The following SIGLEC5 variants were observed in gnomAD, a reference collection of about 807,000 sequenced individuals.
The protein encoded by SIGLEC5 is sialic acid binding Ig like lectin 5.
In SIGLEC5, 34 loss-of-function variants were observed where a neutral mutation model predicts 45.9. That is an observed-to-expected ratio of 0.74 (90% CI 0.56 to 0.99). SIGLEC5 has a LOEUF of 0.99. Among genes scored for constraint, SIGLEC5 ranks in the 50% least tolerant of loss-of-function variants. The probability of loss-of-function intolerance (pLI) is 0.00; values close to 1 mark genes in which losing one functional copy is unlikely to be tolerated. For synonymous variants in SIGLEC5, 203 were observed against 258.6 expected, an observed-to-expected ratio of 0.79 and a Z score of 2.06; for missense variants, 508 against 629.6, an observed-to-expected ratio of 0.81 and a Z score of 2.07.
At position 51,612,319 on chromosome 19, in the gene SIGLEC5, AG is replaced by A. The variant is rs1982883904; in HGVS notation, c.1567del (p.Ser524ValfsTer5). On this transcript the variant is annotated frameshift_variant, in exon 9 of 9. Transcript: ENST00000683636. LOFTEE classifies it low-confidence loss of function (END_TRUNC). ...CCTCGACTTCATCTCAGAAAAACTA[AG>A]GGAGGCATAATGGAGCTCCTTTTGT... ...EEQKELHYASLSFSEMKSREP... is the reference protein window; with the variant it reads ...EEQKELHYASXSFSEMKSREP... 1 of 1,613,182 alleles carries A rather than the reference AG, an allele frequency of 6.2e-7. No homozygotes were observed. Among genetic ancestry groups the A allele is most frequent in the Non-Finnish European group, 8.5e-7 (1 of 1,179,752 alleles).
In SIGLEC5 at chr19:51,627,191, A is replaced by G. The variant is rs1983512405; in HGVS notation, c.1340T>C (p.Met447Thr). 1.9e-6 allele frequency: 3 copies of G among 1,614,156 alleles called. No individual in the cohort carries two copies. The highest frequency in any genetic ancestry group is 1.1e-5 in the South Asian group (1 of 91,086). ...VPAALGGAGV[M>T]ALLCICLCLI... Reference sequence around the variant, plus strand: ...GCACAGACAGATACAGAGCAGGGCCATGACACCAGCACCACCAAGGGCTGC... The same window carrying G: ...GCACAGACAGATACAGAGCAGGGCCGTGACACCAGCACCACCAAGGGCTGC... The change falls in exon 7 of 9, where the codon ATG becomes ACG. Residue 447 changes from methionine to threonine, a missense_variant. Coordinates refer to ENST00000683636, the MANE Select transcript of SIGLEC5 (RefSeq NM_003830.4).
chr19:51,615,194 G>A (rs116799916), intron 8 of SIGLEC5, among the ~76,000 whole-genome samples: 2 of 152,178 alleles, frequency 1.3e-5, no homozygotes, highest in Non-Finnish European at 2.9e-5. Context: ...CACCGGCTCT[G>A]TTCTCCAAGA....
At position 51,611,755 on chromosome 19, in the gene SIGLEC5, T is replaced by C. The variant is rs1045067873; in HGVS notation, c.*476A>G. ...AGTGCCAGGCTGAGGGGCTGGTCTT[T>C]CCTAGGGAGTCTTCGAAGAGTTTTG... On this transcript the variant is annotated 3_prime_UTR_variant, in exon 9 of 9. Transcript: ENST00000683636. 3.9e-5 allele frequency among the ~76,000 whole-genome samples: 6 copies of C among 152,162 alleles called. No homozygotes were observed. The highest frequency in any genetic ancestry group is 2.0e-4 in the Admixed American group (3 of 15,272).
At chr19:51,622,394 C>T (rs1983324701) in intron 8 of SIGLEC5, among the ~76,000 whole-genome samples, 1 of 151,586 alleles carries the variant, frequency 6.6e-6, no homozygotes, top group Non-Finnish European at 1.5e-5. Flanking sequence ...CCACCTCGGC[C>T]TCCCAAAGTG....
At chr19:51,617,833 A>G (rs1167409862) in intron 8 of SIGLEC5, among the ~76,000 whole-genome samples, 3 of 152,154 alleles carry the variant, frequency 2.0e-5, no homozygotes, top group Non-Finnish European at 2.9e-5. Flanking sequence ...AAAAATGCTA[A>G]GTATGTTCAT....
intron 8 of SIGLEC5, among the ~76,000 whole-genome samples, chr19:51,617,372 A>T (rs1983108501): frequency 6.6e-6 from 1 of 152,154 alleles, no homozygotes; most frequent in African/African-American, 2.4e-5. Flanking sequence ...TGCAAGAAAA[A>T]AGATGCAGGG....
chr19:51,619,719 A>T lies in SIGLEC5; in HGVS notation c.1464+6313T>A, dbSNP rs118069147. Among the ~76,000 whole-genome samples the T allele has an allele frequency of 1.6e-3, 251 of 152,298 alleles. 1 individual carries two copies. The Middle Eastern group carries it at 0.034, about 21-fold the overall frequency. On this transcript the variant is annotated intron_variant, in intron 8 of 8. Coordinates refer to ENST00000683636, the MANE Select transcript of SIGLEC5 (RefSeq NM_003830.4). Reference sequence around the variant, plus strand: ...ATTTATCCCTAACTACGTTTTATAGAGAATGAAAATATAGACACTAAGAAG... The same window carrying T: ...ATTTATCCCTAACTACGTTTTATAGTGAATGAAAATATAGACACTAAGAAG...
chr19:51,628,813 ATGTG>A (rs762129815), intron 4 of SIGLEC5, among the ~76,000 whole-genome samples: 24 of 120,590 alleles, frequency 2.0e-4, no homozygotes, highest in South Asian at 8.2e-4. Context: ...GTGTATATGC[ATGTG>A]TGTGTGTGCG....
rs559592597 is a variant in SIGLEC5 at position 51,629,909 on chromosome 19, G to T, written c.345C>A (p.Ser115Arg). 44 of 1,135,524 alleles carry T rather than the reference G, an allele frequency of 3.9e-5. 3 individuals carry two copies. Among genetic ancestry groups the T allele is most frequent in the Admixed American group, 2.2e-4 (9 of 40,798 alleles). 70.3% of individuals were successfully genotyped at this position (1,135,524 alleles called of 1,614,324 possible). The change falls in exon 2 of 9, where the codon AGC becomes AGA. Residue 115 changes from serine (S) to arginine (R), a missense_variant. Around this residue, in one of 2 missense-constraint regions of SIGLEC5, gnomAD observed 77 missense variants for 200.8 expected, o/e 0.38. Coordinates refer to ENST00000683636, the MANE Select transcript of SIGLEC5 (RefSeq NM_003830.4). ...IGDARMEDTGSYFFRVERGRD... is the reference protein window; with the variant it reads ...IGDARMEDTGRYFFRVERGRD... The stretch of plus-strand genomic sequence containing the variant: ...TTCCTCTCTCCACGCGGAAGAAATA[G>T]CTTCCCGTGTCCTCCATTCTGGCAT...
At position 51,627,876 on chromosome 19, in the gene SIGLEC5, G is replaced by T; in HGVS notation, c.955C>A (p.Pro319Thr). 6.2e-7 allele frequency: 1 copy of T among 1,611,900 alleles called. No individual in the cohort carries two copies. Among genetic ancestry groups the T allele is most frequent in the Non-Finnish European group, 8.5e-7 (1 of 1,179,066 alleles). ...AGAAAAATTTGCAGGAAGCCCAGCG[G>T]GTGCTGAGCGCGGCAGGTGAAGCCT... ...EGGFTCRAQHPLGFLQIFLNL... is the reference protein window; with the variant it reads ...EGGFTCRAQHTLGFLQIFLNL... The change falls in exon 5 of 9, where the codon CCG (proline) becomes ACG (threonine). Residue 319 changes from proline (P) to threonine (T), a missense_variant. Transcript: ENST00000683636.
chr19:51,622,764 G>C (rs1983339238), intron 8 of SIGLEC5, among the ~76,000 whole-genome samples: 2 of 152,200 alleles, frequency 1.3e-5, no homozygotes, highest in African/African-American at 4.8e-5. Flanking sequence ...GTCAACCCCA[G>C]ACAGAGTGAG....
chr19:51,625,622 G>C (rs546037227), intron 8 of SIGLEC5, among the ~76,000 whole-genome samples: 3 of 152,314 alleles, frequency 2.0e-5, no homozygotes, highest in Admixed American at 6.5e-5. Flanking sequence ...CTGAGGTCAG[G>C]AGTTCAAGAA....
intron 8 of SIGLEC5, among the ~76,000 whole-genome samples, chr19:51,622,906 A>G (rs917537098): frequency 3.3e-5 from 5 of 152,182 alleles, no homozygotes; most frequent in Admixed American, 2.6e-4. Flanking sequence ...ACTTAACATA[A>G]TGATCTCCAG....
chr19:51,622,128 G>GTTTTT (rs1260344201), intron 8 of SIGLEC5, among the ~76,000 whole-genome samples: 1 of 151,804 alleles, frequency 6.6e-6, no homozygotes, highest in East Asian at 1.9e-4. Context: ...TTGCTTTTTT[G>GTTTTT]TTTTTTGTTT....
chr19:51,624,029 C>T (rs1422708420), intron 8 of SIGLEC5, among the ~76,000 whole-genome samples: 1 of 152,022 alleles, frequency 6.6e-6, no homozygotes, highest in Non-Finnish European at 1.5e-5. Flanking sequence ...CGTGGTGGTA[C>T]ATGCCTGTAA....
intron 8 of SIGLEC5, chr19:51,621,814 TTTCATTCTGCATTCTG>T (rs1983297605): frequency 6.6e-6 from 1 of 152,186 alleles, no homozygotes. Context: ...TTTTAAATAC[TTTCATTCTGCATTCTG>T]ATAAGGAATC....
intron 6 of SIGLEC5, 83 bp from the exon 7 acceptor site, chr19:51,627,331 G>T: frequency 6.5e-7 from 1 of 1,539,510 alleles, no homozygotes; most frequent in Non-Finnish European, 8.9e-7. Context: ...TTGCTCCAGG[G>T]CCCTGCTCAG....
In SIGLEC5 at chr19:51,611,353, T is replaced by G. The variant is rs1431782256; in HGVS notation, c.*878A>C. On this transcript the variant is annotated 3_prime_UTR_variant, in exon 9 of 9. Transcript: ENST00000683636. Reference sequence around the variant, plus strand: ...AACTCATGTTTGGAGGAAAAGATAGTGTAAGCCAGATGAAAGCAAGGAGGC... The same window carrying G: ...AACTCATGTTTGGAGGAAAAGATAGGGTAAGCCAGATGAAAGCAAGGAGGC... Among the ~76,000 whole-genome samples the G allele has an allele frequency of 6.6e-6, 1 of 152,226 alleles. No homozygotes were observed. Among genetic ancestry groups the G allele is most frequent in the African/African-American group, 2.4e-5 (1 of 41,456 alleles).
chr19:51,628,111 G>C lies in SIGLEC5; in HGVS notation c.740-20C>G. On this transcript the variant is annotated intron_variant, in intron 4 of 8. Coordinates refer to ENST00000683636, the MANE Select transcript of SIGLEC5 (RefSeq NM_003830.4). ...CTAGGGCTTTGGGGAGAGAAGGGTG[G>C]GGAAAGAGAGATGGGGCCAGGGAGG... 1 of 1,502,780 alleles carries C rather than the reference G, an allele frequency of 6.7e-7. No homozygotes were observed. The highest frequency in any genetic ancestry group is 8.9e-7 in the Non-Finnish European group (1 of 1,125,478). The allele number at this position is 1,502,780 out of a possible 1,614,324, so 93.1% of individuals were successfully genotyped here. A position where few individuals can be genotyped will look rare whatever the true frequency, so the allele number is the denominator to read the frequency against.
Sources: gnomAD v4.1 joint callset for allele counts (sites outside exome capture counted in the v4.1 genomes callset) on GRCh38, gnomAD v4.1.1 for gene constraint, gnomAD v4.1.1 regional missense constraint, MANE v1.5 for transcripts, NCBI Gene and HGNC (gene_info 2026-07-23, HGNC 2026-07-21) for gene names.